The following LRRTM4 variants were observed in gnomAD, a reference collection of about 807,000 sequenced individuals.
The protein encoded by LRRTM4 is leucine rich repeat transmembrane neuronal 4.
A neutral mutation model predicts 47.6 loss-of-function variants in LRRTM4; 25 were observed. The ratio of observed to expected loss-of-function variants is 0.53; its 90% CI spans 0.38 to 0.73. The LOEUF is 0.73. Ranked by LOEUF, LRRTM4 falls within the 30% of genes least tolerant of loss-of-function variation. The pLI is 0.00. For synonymous variants in LRRTM4, 311 were observed against 269.5 expected (o/e 1.15, Z -1.51); for missense variants, 638 against 713.4 (o/e 0.89, Z 1.20).
chr2:76,805,464 A>G (rs1463402224), intron 3 of LRRTM4, among the ~76,000 whole-genome samples: 1 of 152,196 alleles, frequency 6.6e-6, no homozygotes, highest in East Asian at 1.9e-4. Context: ...ATATTTAAAC[A>G]TATTGAAGAT....
chr2:77,155,995 G>T (rs1484012326), intron 3 of LRRTM4, among the ~76,000 whole-genome samples: 1 of 152,022 alleles, frequency 6.6e-6, no homozygotes, highest in Non-Finnish European at 1.5e-5. Flanking sequence ...ACATCAGATT[G>T]TACCCCATAA....
intron 3 of LRRTM4, among the ~76,000 whole-genome samples, chr2:77,075,128 TGTGAGCTG>T (rs1680289545): frequency 6.6e-6 from 1 of 152,210 alleles, no homozygotes; most frequent in South Asian, 2.1e-4. Flanking sequence ...GTAGATAATA[TGTGAGCTG>T]TTTCTGCTAA....
At chr2:76,853,318 G>A (rs1470528670) in intron 3 of LRRTM4, among the ~76,000 whole-genome samples, 1 of 151,940 alleles carries the variant, frequency 6.6e-6, no homozygotes, top group Non-Finnish European at 1.5e-5. Flanking sequence ...AATTGAAATG[G>A]GCTCTTGGTC....
At chr2:76,985,362 CAG>C (rs745446718) in intron 3 of LRRTM4, among the ~76,000 whole-genome samples, 8 of 151,942 alleles carry the variant, frequency 5.3e-5, no homozygotes, top group Non-Finnish European at 8.8e-5. Flanking sequence ...GAACGATTCA[CAG>C]AGTTTGCTTT....
chr2:76,963,538 A>T (rs578157868), intron 3 of LRRTM4, among the ~76,000 whole-genome samples: 1 of 151,162 alleles, frequency 6.6e-6, no homozygotes, highest in East Asian at 2.0e-4. Flanking sequence ...AATTCAAATT[A>T]ATAAACAATG....
intron 3 of LRRTM4, among the ~76,000 whole-genome samples, chr2:77,319,100 C>G (rs1677710994): frequency 6.6e-6 from 1 of 151,696 alleles, no homozygotes; most frequent in Non-Finnish European, 1.5e-5. Context: ...ATAGCCAGCC[C>G]TGGGATGGGC....
intron 3 of LRRTM4, among the ~76,000 whole-genome samples, chr2:76,955,578 GTTC>G (rs1216318260): frequency 1.8e-4 from 28 of 151,944 alleles, no homozygotes; most frequent in African/African-American, 6.7e-4. Flanking sequence ...AACTGTTTAT[GTTC>G]TTCTTAAATT....
chr2:76,895,035 A>C (rs894458829), intron 3 of LRRTM4, among the ~76,000 whole-genome samples: 11 of 151,838 alleles, frequency 7.2e-5, no homozygotes, highest in Non-Finnish European at 1.2e-4. Flanking sequence ...TTTTAAAGTG[A>C]AACAAAGGAA....
At chr2:77,508,879 G>A (rs1000776090) in intron 3 of LRRTM4, among the ~76,000 whole-genome samples, 29 of 151,974 alleles carry the variant, frequency 1.9e-4, no homozygotes, top group African/African-American at 6.8e-4. Flanking sequence ...AATATTTAAT[G>A]TATTGTTGAA....
In LRRTM4 at chr2:76,888,869, G is replaced by T. The variant is rs1233549253; in HGVS notation, c.1552-139953C>A. ...GCCAGTAGTTATAAAATATTTGGTG[G>T]CTAGCTTTCGCCTTTTTAAGAGAAA... On this transcript the variant is annotated intron_variant, in intron 3 of 3. Coordinates refer to ENST00000409884, the MANE Select transcript of LRRTM4 (RefSeq NM_001134745.3). Among the ~76,000 whole-genome samples, 3 of 151,778 alleles carry T rather than the reference G, an allele frequency of 2.0e-5. No individual in the cohort carries two copies. In the East Asian group the frequency reaches 5.8e-4, roughly 29 times the overall value.
chr2:76,796,828 C>G (rs370779510), intron 3 of LRRTM4, among the ~76,000 whole-genome samples: 1 of 152,048 alleles, frequency 6.6e-6, no homozygotes, highest in Non-Finnish European at 1.5e-5. Flanking sequence ...GTGAAGAAGG[C>G]AGACGCCTCA....
chr2:77,329,474 G>A (rs1237969510), intron 3 of LRRTM4, among the ~76,000 whole-genome samples: 1 of 152,134 alleles, frequency 6.6e-6, no homozygotes, highest in Non-Finnish European at 1.5e-5. Context: ...TCCTAGAAGG[G>A]ATGACTGTCA....
intron 3 of LRRTM4, among the ~76,000 whole-genome samples, chr2:77,273,069 G>A (rs1433914485): frequency 6.6e-6 from 1 of 152,044 alleles, no homozygotes; most frequent in Non-Finnish European, 1.5e-5. Flanking sequence ...AAATTATAAT[G>A]GGACCACTTT....
At chr2:77,459,333 G>A (rs1676686097) in intron 3 of LRRTM4, among the ~76,000 whole-genome samples, 1 of 151,940 alleles carries the variant, frequency 6.6e-6, no homozygotes, top group South Asian at 2.1e-4. Context: ...GTCAAATAAG[G>A]TGATTATTTC....
intron 3 of LRRTM4, among the ~76,000 whole-genome samples, chr2:76,760,795 G>A (rs1673225963): frequency 6.6e-6 from 1 of 152,158 alleles, no homozygotes; most frequent in African/African-American, 2.4e-5. Flanking sequence ...GGATGTGTAA[G>A]GACAGGTCAT....
intron 3 of LRRTM4, among the ~76,000 whole-genome samples, chr2:77,019,635 A>T (rs1678196417): frequency 6.6e-6 from 1 of 152,148 alleles, no homozygotes; most frequent in Non-Finnish European, 1.5e-5. Context: ...ACCAAGTGAT[A>T]AAAATTACAT....
At chr2:77,019,486 C>T (rs988095307) in intron 3 of LRRTM4, among the ~76,000 whole-genome samples, 1 of 151,994 alleles carries the variant, frequency 6.6e-6, no homozygotes, top group Non-Finnish European at 1.5e-5. Context: ...TCAGTGACTA[C>T]ACCAGTGAAA....
At chr2:76,985,905 T>A (rs1385893557) in intron 3 of LRRTM4, 1 of 151,940 alleles carries the variant, frequency 6.6e-6, no homozygotes, top group East Asian at 1.9e-4. Flanking sequence ...CTAACATTCT[T>A]ACTTAGAGAT....
At chr2:76,766,391 C>A (rs1160065086) in intron 3 of LRRTM4, among the ~76,000 whole-genome samples, 4 of 152,146 alleles carry the variant, frequency 2.6e-5, no homozygotes, top group Non-Finnish European at 4.4e-5. Flanking sequence ...AGGTGCAGTT[C>A]TCCTTGTCTT....
Sources: gnomAD v4.1 joint callset for allele counts (sites outside exome capture counted in the v4.1 genomes callset) on GRCh38, gnomAD v4.1.1 for gene constraint, MANE v1.5 for transcripts, NCBI Gene and HGNC (gene_info 2026-07-23, HGNC 2026-07-21) for gene names.